The following CORO2A variants were observed in gnomAD, a reference collection of about 807,000 sequenced individuals.
CORO2A encodes coronin 2A.
Under a neutral mutation model 62.4 loss-of-function variants are expected in CORO2A, and 47 were observed. The observed-to-expected ratio is 0.75, with a 90% CI of 0.60 to 0.96. The LOEUF (loss-of-function observed/expected upper bound fraction) is 0.96, where lower values mean the gene tolerates loss of function less well. CORO2A is among the 40% of genes least tolerant of loss of function. The pLI is 0.00. For synonymous variants in CORO2A, 273 were observed against 268.9 expected, an observed-to-expected ratio of 1.02 and a Z score of -0.15; for missense variants, 610 against 684.1, an observed-to-expected ratio of 0.89 and a Z score of 1.21.
In CORO2A at chr9:98,128,240, G is replaced by A. The variant is rs756705426; in HGVS notation, c.1101C>T (p.Asp367=). The A allele has an allele frequency of 8.1e-6, 13 of 1,613,300 alleles. No individual in the cohort carries two copies. Among genetic ancestry groups the A allele is most frequent in the Admixed American group, 1.7e-5 (1 of 59,944 alleles). ...GGGCCCCTGCTGTTGGAGGGTATAT[G>A]TCCTCTTGGTAGGATTCTGACTGCA... ...VPRRSESYQE[D]IYPPTAGAQP... Residue 367 remains aspartate, a synonymous_variant, in exon 10 of 12, where the codon GAC becomes GAT. Coordinates refer to ENST00000375077, the MANE Select transcript of CORO2A (RefSeq NM_052820.4).
At chr9:98,162,031 T>C (rs763394226) in intron 1 of CORO2A, among the ~76,000 whole-genome samples, 4 of 152,120 alleles carry the variant, frequency 2.6e-5, no homozygotes, top group African/African-American at 4.8e-5. Context: ...GGTTTTTGAG[T>C]GCTTACAAGC....
rs1828258412 is a variant in CORO2A, at chr9:98,187,837, T to C, written c.-1+4722A>G. On this transcript the variant is annotated intron_variant, in intron 1 of 11. Coordinates refer to ENST00000375077, the MANE Select transcript of CORO2A (RefSeq NM_052820.4). ...ACACCAATATTCAAATCTGGCCATGTTCCTACCCAATTCAAAAGCCTTCCA... is the reference window on the plus strand; with the variant it reads ...ACACCAATATTCAAATCTGGCCATGCTCCTACCCAATTCAAAAGCCTTCCA... 1.3e-5 allele frequency among the ~76,000 whole-genome samples: 2 copies of C among 152,196 alleles called. 1 individual carries two copies. Among genetic ancestry groups the C allele is most frequent in the South Asian group, 4.1e-4 (2 of 4,828 alleles).
chr9:98,154,207 A>C (rs1204333315), intron 2 of CORO2A, among the ~76,000 whole-genome samples: 1 of 151,652 alleles, frequency 6.6e-6, no homozygotes, highest in Non-Finnish European at 1.5e-5. Context: ...ATGAGGAAAG[A>C]AGTTGTTCAT....
chr9:98,188,372 T>C (rs1828263650), intron 1 of CORO2A, among the ~76,000 whole-genome samples: 1 of 152,240 alleles, frequency 6.6e-6, no homozygotes, highest in Non-Finnish European at 1.5e-5. Context: ...GTTTTTCATC[T>C]GTCTTCCCCC....
intron 1 of CORO2A, among the ~76,000 whole-genome samples, chr9:98,187,923 G>A (rs535160968): frequency 6.6e-6 from 1 of 152,296 alleles, no homozygotes; most frequent in Non-Finnish European, 1.5e-5. Context: ...GTTTCAATAA[G>A]CCATGTAACT....
intron 2 of CORO2A, among the ~76,000 whole-genome samples, chr9:98,152,321 G>T (rs1014881053): frequency 6.6e-6 from 1 of 151,876 alleles, no homozygotes; most frequent in African/African-American, 2.4e-5. Flanking sequence ...ACAGGGTGTC[G>T]CTTTGTCACC....
intron 2 of CORO2A, among the ~76,000 whole-genome samples, chr9:98,154,876 C>T (rs1203814100): frequency 1.3e-5 from 2 of 152,152 alleles, no homozygotes; most frequent in African/African-American, 4.8e-5. Flanking sequence ...TGCAATAATA[C>T]AAACAATGCT....
intron 2 of CORO2A, among the ~76,000 whole-genome samples, chr9:98,139,831 G>A (rs1399714009): frequency 6.6e-6 from 1 of 152,164 alleles, no homozygotes; most frequent in Non-Finnish European, 1.5e-5. Context: ...TTTCTGGTAT[G>A]TGAATTCTAC....
intron 1 of CORO2A, among the ~76,000 whole-genome samples, chr9:98,165,342 T>C (rs1053243773): frequency 4.6e-5 from 7 of 152,202 alleles, no homozygotes; most frequent in African/African-American, 1.7e-4. Flanking sequence ...AGAATCCATT[T>C]CTTAAAGGGC....
chr9:98,182,406 T>G (rs555067055), intron 1 of CORO2A, among the ~76,000 whole-genome samples: 1 of 152,164 alleles, frequency 6.6e-6, no homozygotes, highest in Non-Finnish European at 1.5e-5. Flanking sequence ...CTAGTGACCC[T>G]GCCAGCAAGC....
At chr9:98,141,615 A>C (rs1667884815) in intron 2 of CORO2A, among the ~76,000 whole-genome samples, 1 of 152,110 alleles carries the variant, frequency 6.6e-6, no homozygotes, top group Non-Finnish European at 1.5e-5. Flanking sequence ...TGGCCTTCCA[A>C]AGTGCTGGGA....
chr9:98,133,619 G>A (rs1010969217), intron 4 of CORO2A, among the ~76,000 whole-genome samples: 5 of 152,292 alleles, frequency 3.3e-5, no homozygotes, highest in East Asian at 1.9e-4. Context: ...AGACTAGGAC[G>A]TGACTAGTGC....
In CORO2A at chr9:98,184,238, T is replaced by A. The variant is rs545956200; in HGVS notation, c.-1+8321A>T. ...TATAAAATTATTTTATTTTATTTTT[T>A]TTTTTAATAGAGGCAATGTCTTACT... is the stretch of plus-strand genomic sequence containing the variant. On this transcript the variant is annotated intron_variant, in intron 1 of 11. Transcript: ENST00000375077. Among the ~76,000 whole-genome samples the A allele has an allele frequency of 7.1e-4, 108 of 152,212 alleles. No homozygotes were observed. In the Middle Eastern group the frequency reaches 0.014, roughly 19 times the overall value.
chr9:98,189,564 T>A (rs1249105243), intron 1 of CORO2A, among the ~76,000 whole-genome samples: 1 of 152,206 alleles, frequency 6.6e-6, no homozygotes, highest in African/African-American at 2.4e-5. Context: ...TTGTTCACTC[T>A]AAGAGGTTGG....
chr9:98,161,902 G>A (rs1827891792), intron 1 of CORO2A, among the ~76,000 whole-genome samples: 4 of 152,144 alleles, frequency 2.6e-5, no homozygotes, highest in Admixed American at 2.6e-4. Flanking sequence ...GGGGGTACCT[G>A]GGGTCTGGCC....
Position 98,123,514 on chromosome 9 carries a change from G to A in CORO2A, c.*1260C>T, listed in dbSNP as rs1841894747. Reference sequence around the variant, plus strand: ...CTCTCTCTTTTTTTTTTTTTTTTTGGAGATGGAGTCTCGCTCTGTCACCCA... The same window carrying A: ...CTCTCTCTTTTTTTTTTTTTTTTTGAAGATGGAGTCTCGCTCTGTCACCCA... On this transcript the variant is annotated 3_prime_UTR_variant, in exon 12 of 12. Coordinates refer to ENST00000375077, the MANE Select transcript of CORO2A (RefSeq NM_052820.4). 7.1e-6 allele frequency: 1 copy of A among 140,176 alleles called. No individual in the cohort carries two copies. Among genetic ancestry groups the A allele is most frequent in the African/African-American group, 2.6e-5 (1 of 37,922 alleles). The allele number at this position is 140,176 out of a possible 1,614,324, so 8.7% of individuals were successfully genotyped here.
intron 1 of CORO2A, among the ~76,000 whole-genome samples, chr9:98,173,505 G>A (rs1828067103): frequency 6.6e-6 from 1 of 151,956 alleles, no homozygotes; most frequent in Non-Finnish European, 1.5e-5. Flanking sequence ...CCCCCAACTC[G>A]GTGGCCACTG....
intron 2 of CORO2A, among the ~76,000 whole-genome samples, chr9:98,137,991 T>C (rs1369999957): frequency 1.3e-5 from 2 of 152,166 alleles, no homozygotes; most frequent in African/African-American, 4.8e-5. Context: ...AAAAGGGCAT[T>C]TCCCCTCACA....
chr9:98,184,261 A>G (rs1828211374), intron 1 of CORO2A, among the ~76,000 whole-genome samples: 1 of 151,870 alleles, frequency 6.6e-6, no homozygotes, highest in Non-Finnish European at 1.5e-5. Flanking sequence ...GCAATGTCTT[A>G]CTTTGTTGCC....
Sources: gnomAD v4.1 joint callset for allele counts (sites outside exome capture counted in the v4.1 genomes callset) on GRCh38, gnomAD v4.1.1 for gene constraint, MANE v1.5 for transcripts, NCBI Gene and HGNC (gene_info 2026-07-23, HGNC 2026-07-21) for gene names.